NUDCD2: variants seen among roughly 807,000 people sequenced by gnomAD.
NUDCD2 encodes the protein nudC domain-containing protein 2.
In NUDCD2, 16 loss-of-function variants were observed where a neutral mutation model predicts 20.8. The ratio of observed to expected loss-of-function variants is 0.77; its 90% CI spans 0.52 to 1.17. The LOEUF (loss-of-function observed/expected upper bound fraction) is 1.17, where lower values mean the gene tolerates loss of function less well. Ranked by LOEUF, NUDCD2 falls within the 50% of genes most tolerant of loss-of-function variation. NUDCD2 has a pLI of 0.00. For synonymous variants in NUDCD2, 87 were observed against 72.8 expected (o/e 1.20, Z -1.00); for missense variants, 199 against 193.9 (o/e 1.03, Z -0.16).
rs1254720016 is a variant in NUDCD2, at chr5:163,447,402, G to A, written c.*6565C>T. 2 of 146,804 alleles carry A rather than the reference G, an allele frequency of 1.4e-5. No individual in the cohort carries two copies. The highest frequency in any genetic ancestry group is 2.5e-5 in the African/African-American group (1 of 39,678). 9.1% of individuals were successfully genotyped at this position (146,804 alleles called of 1,614,324 possible). On this transcript the variant is annotated 3_prime_UTR_variant, in exon 4 of 4. Coordinates refer to ENST00000302764, the MANE Select transcript of NUDCD2 (RefSeq NM_145266.6). ...GGAGTTTGAGGCTGCAGTGAAGCATGACAGAGTTGCTATGCTCCAGCCTGA... is the reference window on the plus strand; with the variant it reads ...GGAGTTTGAGGCTGCAGTGAAGCATAACAGAGTTGCTATGCTCCAGCCTGA...
Position 163,458,226 on chromosome 5 carries a change from C to A in NUDCD2, c.190-616G>T, listed in dbSNP as rs372490255. The stretch of plus-strand genomic sequence containing the variant: ...TCGAACTCCTGACCTTGTGATCCGC[C>A]CGCCTAGGCCTTCCAAAGTGCCAGG... On this transcript the variant is annotated intron_variant, in intron 1 of 3. Transcript: ENST00000302764. 2.6e-5 allele frequency among the ~76,000 whole-genome samples: 4 copies of A among 151,960 alleles called. No homozygotes were observed. The East Asian group carries it at 7.7e-4, about 29-fold the overall frequency.
chr5:163,448,318 AAAAAG>A lies in NUDCD2; in HGVS notation c.*5644_*5648del, dbSNP rs1464014148. On this transcript the variant is annotated 3_prime_UTR_variant, in exon 4 of 4. Transcript: ENST00000302764. ...GATAAACCTCTGGCAAAATTGACAAAAAAAGAGAAGGAATTCCAATCTTTGATTCC... is the reference window on the plus strand; with the variant it reads ...GATAAACCTCTGGCAAAATTGACAAAAGAAGGAATTCCAATCTTTGATTCC... 1.3e-5 allele frequency: 2 copies of A among 152,196 alleles called. No homozygotes were observed. Among genetic ancestry groups the A allele is most frequent in the Admixed American group, 6.5e-5 (1 of 15,280 alleles). The allele number at this position is 152,196 out of a possible 1,614,324, so 9.4% of individuals were successfully genotyped here.
In NUDCD2 at chr5:163,456,698, A is replaced by C. The variant is rs559396604; in HGVS notation, c.390+231T>G. Among the ~76,000 whole-genome samples, 4 of 152,350 alleles carry C rather than the reference A, an allele frequency of 2.6e-5. No homozygotes were observed. The East Asian group carries it at 5.8e-4, about 22-fold the overall frequency. ...TTCATGCATTACTGATGTACATAAAAGTAAGCTTAAACTCACAAATCACAG... is the reference window on the plus strand; with the variant it reads ...TTCATGCATTACTGATGTACATAAACGTAAGCTTAAACTCACAAATCACAG... On this transcript the variant is annotated intron_variant, in intron 3 of 3. Transcript: ENST00000302764.
chr5:163,457,288 T>G (rs1017194743), intron 2 of NUDCD2, among the ~76,000 whole-genome samples: 2 of 152,104 alleles, frequency 1.3e-5, no homozygotes, highest in Non-Finnish European at 2.9e-5. Flanking sequence ...TGCGCCACCA[T>G]GCCCGGCTAA....
At position 163,454,589 on chromosome 5, in the gene NUDCD2, C is replaced by T. The variant is rs192861934; in HGVS notation, c.391-539G>A. The stretch of plus-strand genomic sequence containing the variant: ...CTCCCAACCTCCGGTGATCCGCCTG[C>T]CTCAGCCTCCCAAAGTGCTGGGATT... On this transcript the variant is annotated intron_variant, in intron 3 of 3. Coordinates refer to ENST00000302764, the MANE Select transcript of NUDCD2 (RefSeq NM_145266.6). 1.2e-4 allele frequency among the ~76,000 whole-genome samples: 18 copies of T among 152,348 alleles called. No homozygotes were observed. The East Asian group carries it at 3.5e-3, about 29-fold the overall frequency.
intron 1 of NUDCD2, among the ~76,000 whole-genome samples, chr5:163,458,690 A>G (rs1269281664): frequency 5.3e-5 from 8 of 152,208 alleles, no homozygotes; most frequent in Non-Finnish European, 7.3e-5. Context: ...TGTCACTAGG[A>G]AAAGCCCACA....
At position 163,446,584 on chromosome 5, in the gene NUDCD2, A is replaced by G. The variant is rs750887180; in HGVS notation, c.*7383T>C. On this transcript the variant is annotated 3_prime_UTR_variant, in exon 4 of 4. Coordinates refer to ENST00000302764, the MANE Select transcript of NUDCD2 (RefSeq NM_145266.6). ...TGGCCACATTAACTTCTGTGCTGTC[A>G]TCATGATCATAGAATAATAACAACA... is the stretch of plus-strand genomic sequence containing the variant. 4 of 152,260 alleles carry G rather than the reference A, an allele frequency of 2.6e-5. No individual in the cohort carries two copies. The highest frequency in any genetic ancestry group is 5.9e-5 in the Non-Finnish European group (4 of 68,052). The allele number at this position is 152,260 out of a possible 1,614,324, so 9.4% of individuals were successfully genotyped here.
At chr5:163,455,905 A>G (rs1758296012) in intron 3 of NUDCD2, among the ~76,000 whole-genome samples, 1 of 152,210 alleles carries the variant, frequency 6.6e-6, no homozygotes, top group Non-Finnish European at 1.5e-5. Flanking sequence ...CAAATTCTAA[A>G]TATATTTCGA....
At position 163,448,236 on chromosome 5, in the gene NUDCD2, T is replaced by A. The variant is rs887814744; in HGVS notation, c.*5731A>T. The stretch of plus-strand genomic sequence containing the variant: ...AAGAGGCAGAAAATAAATGCAATTG[T>A]AAACAAATTAATAGAAAACAATCAA... On this transcript the variant is annotated 3_prime_UTR_variant, in exon 4 of 4. Transcript: ENST00000302764. 2.0e-5 allele frequency: 3 copies of A among 150,044 alleles called. No individual in the cohort carries two copies. Among genetic ancestry groups the A allele is most frequent in the African/African-American group, 7.3e-5 (3 of 40,918 alleles). 9.3% of individuals were successfully genotyped at this position (150,044 alleles called of 1,614,324 possible). A position where few individuals can be genotyped will look rare whatever the true frequency, so the allele number is the denominator to read the frequency against.
rs959931061 is a variant in NUDCD2, at chr5:163,450,013, A to G, written c.*3954T>C. On this transcript the variant is annotated 3_prime_UTR_variant, in exon 4 of 4. Transcript: ENST00000302764. ...CTCATGCCTGTAATCCCAGCACTTC[A>G]GAGGCTGAGGCGGGCAGATCCGTTG... 3 of 152,112 alleles carry G rather than the reference A, an allele frequency of 2.0e-5. No individual in the cohort carries two copies. The highest frequency in any genetic ancestry group is 4.4e-5 in the Non-Finnish European group (3 of 68,002). 9.4% of individuals were successfully genotyped at this position (152,112 alleles called of 1,614,324 possible).
rs1758084057 is a variant in NUDCD2, at chr5:163,448,090, T to C, written c.*5877A>G. The C allele has an allele frequency of 6.6e-6, 1 of 151,620 alleles. No individual in the cohort carries two copies. The allele number at this position is 151,620 out of a possible 1,614,324, so 9.4% of individuals were successfully genotyped here. ...GTAGGAGGATCATGACCCCACGAGT[T>C]TGAGGCTGCAGTGAGCTATGATCAT... On this transcript the variant is annotated 3_prime_UTR_variant, in exon 4 of 4. Coordinates refer to ENST00000302764, the MANE Select transcript of NUDCD2 (RefSeq NM_145266.6).
In NUDCD2 at chr5:163,459,848, C is replaced by A. The variant is rs1253484699; in HGVS notation, c.189+14G>T. The stretch of plus-strand genomic sequence containing the variant: ...GGAAGAGGAAACTGAACACAAGCCC[C>A]GAGCTGCCGCTACCTTGAGGATCTC... On this transcript the variant is annotated intron_variant, in intron 1 of 3. Coordinates refer to ENST00000302764, the MANE Select transcript of NUDCD2 (RefSeq NM_145266.6). The A allele has an allele frequency of 6.3e-7, 1 of 1,586,774 alleles. No homozygotes were observed. The highest frequency in any genetic ancestry group is 8.6e-7 in the Non-Finnish European group (1 of 1,167,300).
intron 3 of NUDCD2, among the ~76,000 whole-genome samples, chr5:163,454,702 T>C (rs1758258960): frequency 6.6e-6 from 1 of 152,216 alleles, no homozygotes; most frequent in Non-Finnish European, 1.5e-5. Context: ...GCTATACATA[T>C]ATAAGATATT....
In NUDCD2 at chr5:163,457,062, C is replaced by G; in HGVS notation, c.257G>C (p.Arg86Pro). Residue 86 changes from arginine to proline, a missense_variant, in exon 3 of 4, where the codon CGT (arginine) becomes CCT (proline). Coordinates refer to ENST00000302764, the MANE Select transcript of NUDCD2 (RefSeq NM_145266.6). ...TCTCTTTGTCTTTGTAAGAACAATA[C>G]GAACCATTTTTCTGTCCTCTAAAAA... ...TWTLEDRKMVRIVLTKTKRDA... is the reference protein window; with the variant it reads ...TWTLEDRKMVPIVLTKTKRDA... 2 of 1,606,154 alleles carry G rather than the reference C, an allele frequency of 1.2e-6. No individual in the cohort carries two copies. Among genetic ancestry groups the G allele is most frequent in the East Asian group, 4.5e-5 (2 of 44,796 alleles).
At chr5:163,454,541 A>T (rs994021550) in intron 3 of NUDCD2, among the ~76,000 whole-genome samples, 1 of 152,050 alleles carries the variant, frequency 6.6e-6, no homozygotes, top group Admixed American at 6.6e-5. Flanking sequence ...GGGTTTCTCC[A>T]TGTTGGTCAG....
chr5:163,457,983 T>C (rs1758368708), intron 1 of NUDCD2, among the ~76,000 whole-genome samples: 1 of 83,260 alleles, frequency 1.2e-5, no homozygotes, highest in African/African-American at 4.1e-5. Context: ...TGTTGTCTTT[T>C]TTTTTTTTTT....
rs1329517561 is a variant in NUDCD2, at chr5:163,451,469, T to C, written c.*2498A>G. ...TCAATACTCTGACTGTGGAGGTGTT[T>C]ACACATATCTATACTTAAAATTCAC... On this transcript the variant is annotated 3_prime_UTR_variant, in exon 4 of 4. Coordinates refer to ENST00000302764, the MANE Select transcript of NUDCD2 (RefSeq NM_145266.6). 6.6e-6 allele frequency: 1 copy of C among 152,158 alleles called. No homozygotes were observed. Among genetic ancestry groups the C allele is most frequent in the East Asian group, 1.9e-4 (1 of 5,190 alleles). 9.4% of individuals were successfully genotyped at this position (152,158 alleles called of 1,614,324 possible).
intron 1 of NUDCD2, among the ~76,000 whole-genome samples, chr5:163,458,203 G>A (rs921193043): frequency 1.3e-5 from 2 of 151,768 alleles, no homozygotes; most frequent in Non-Finnish European, 2.9e-5. Flanking sequence ...GGCTGGTCTC[G>A]AACTCCTGAC....
chr5:163,448,717 CATAAAAATCCTCAAAAA>C lies in NUDCD2; in HGVS notation c.*5233_*5249del, dbSNP rs1337983364. On this transcript the variant is annotated 3_prime_UTR_variant, in exon 4 of 4. Coordinates refer to ENST00000302764, the MANE Select transcript of NUDCD2 (RefSeq NM_145266.6). ...GCACAATATCCAAAATGAACACAGA[CATAAAAATCCTCAAAAA>C]ATAAAAATCTAGATACATAAGCTGA... 6.6e-6 allele frequency: 1 copy of C among 151,970 alleles called. No individual in the cohort carries two copies. The highest frequency in any genetic ancestry group is 2.4e-5 in the African/African-American group (1 of 41,374). The allele number at this position is 151,970 out of a possible 1,614,324, so 9.4% of individuals were successfully genotyped here. A position where few individuals can be genotyped will look rare whatever the true frequency, so the allele number is the denominator to read the frequency against.
Sources: allele counts gnomAD v4.1 joint callset (sites outside exome capture counted in the v4.1 genomes callset), GRCh38; gene constraint gnomAD v4.1.1; transcripts MANE v1.5; gene names NCBI Gene and HGNC (gene_info 2026-07-23, HGNC 2026-07-21).